Variants in SRPX2 observed in about 807,000 individuals in gnomAD.
The protein encoded by SRPX2 is sushi repeat containing protein X-linked 2.
A neutral mutation model predicts 45.3 loss-of-function variants in SRPX2; 26 were observed. That is an observed-to-expected ratio of 0.57 (90% CI 0.42 to 0.80). The LOEUF (loss-of-function observed/expected upper bound fraction) is 0.80, where lower values mean the gene tolerates loss of function less well. SRPX2 is among the 30% of genes least tolerant of loss of function. The probability of loss-of-function intolerance (pLI) is 0.00; values close to 1 mark genes in which losing one functional copy is unlikely to be tolerated. For synonymous variants in SRPX2, 125 were observed against 143.7 expected (o/e 0.87, Z 0.93); for missense variants, 355 against 399.8 (o/e 0.89, Z 0.95).
chrX:100,665,098 C>T, intron 5 of SRPX2, 145 bp from the exon 6 acceptor site: 3 of 1,059,480 alleles, frequency 2.8e-6, no homozygotes, highest in South Asian at 2.0e-5. Flanking sequence ...ATGATCTTCT[C>T]CCCTGAAGTT....
chrX:100,657,780 T>C (rs1450965544), intron 3 of SRPX2, among the ~76,000 whole-genome samples: 1 of 112,155 alleles, frequency 8.9e-6, no homozygotes, highest in Non-Finnish European at 1.9e-5. Context: ...GTGTCCTCTT[T>C]TGAGAAATAT....
intron 4 of SRPX2, among the ~76,000 whole-genome samples, chrX:100,664,057 G>T (rs1482579500): frequency 2.7e-5 from 3 of 111,671 alleles, no homozygotes; most frequent in Admixed American, 9.5e-5. Context: ...CCCTAAATGA[G>T]CCCAGAGGAT....
Position 100,675,253 on chromosome X carries a change from C to T in SRPX2, c.*4266C>T, listed in dbSNP as rs1441968988. The T allele has an allele frequency of 2.7e-5, 3 of 112,742 alleles. No homozygotes were observed. Among genetic ancestry groups the T allele is most frequent in the Non-Finnish European group, 5.6e-5 (3 of 53,316 alleles). The allele number at this position is 112,742 out of a possible 1,213,427, so 9.3% of individuals were successfully genotyped here. ...CACTTTACCCTCAGTCACTCTGGTC[C>T]TCTGAGATCAGCTAGAAGCTCTCAC... On this transcript the variant is annotated 3_prime_UTR_variant, in exon 11 of 11. Coordinates refer to ENST00000373004, the MANE Select transcript of SRPX2 (RefSeq NM_014467.3).
intron 3 of SRPX2, among the ~76,000 whole-genome samples, chrX:100,656,742 CAT>C (rs2083170341): frequency 8.9e-6 from 1 of 111,854 alleles, no homozygotes; most frequent in African/African-American, 3.2e-5. Context: ...AGGTTGATTC[CAT>C]ATCTTTGCTA....
chrX:100,647,860 T>C (rs1440175058), intron 2 of SRPX2, among the ~76,000 whole-genome samples: 1 of 112,786 alleles, frequency 8.9e-6, no homozygotes, highest in Non-Finnish European at 1.9e-5. Flanking sequence ...TCACCACTCC[T>C]GAGAAGCTCA....
At chrX:100,653,331 T>C (rs1469975575) in intron 3 of SRPX2, among the ~76,000 whole-genome samples, 1 of 111,647 alleles carries the variant, frequency 9.0e-6, no homozygotes, top group Non-Finnish European at 1.9e-5. Context: ...GACTTCAAAA[T>C]ACCTCAATGT....
At chrX:100,668,102 G>C (rs1277149888) in intron 9 of SRPX2, among the ~76,000 whole-genome samples, 1 of 110,845 alleles carries the variant, frequency 9.0e-6, no homozygotes, top group Non-Finnish European at 1.9e-5. Context: ...GGTAGGGAGA[G>C]GTCGATAGGA....
At chrX:100,656,219 A>G (rs1370742486) in intron 3 of SRPX2, among the ~76,000 whole-genome samples, 1 of 110,906 alleles carries the variant, frequency 9.0e-6, no homozygotes, top group East Asian at 2.8e-4. Flanking sequence ...TACTTTACAT[A>G]TTTATGGGGC....
At chrX:100,669,402 A>AGGGGGGG in intron 10 of SRPX2, 33 bp downstream of exon 10, 4 of 27,560 alleles carry the variant, frequency 1.5e-4, no homozygotes, top group East Asian at 7.6e-4. Context: ...ACTTGGGGGG[A>AGGGGGGG]GGGGGGGCTG....
At chrX:100,651,286 G>A (rs2083152410) in intron 3 of SRPX2, among the ~76,000 whole-genome samples, 1 of 111,055 alleles carries the variant, frequency 9.0e-6, no homozygotes, top group Admixed American at 9.6e-5. Flanking sequence ...AAGAAGTCAG[G>A]AAAAGGGTCA....
At chrX:100,665,111 G>T in intron 5 of SRPX2, 132 bp from the exon 6 acceptor site, 1 of 1,082,176 alleles carries the variant, frequency 9.2e-7, no homozygotes, top group South Asian at 2.0e-5. Context: ...CTGAAGTTGC[G>T]CTTCCTTCCC....
chrX:100,651,519 G>C (rs2083153166), intron 3 of SRPX2, among the ~76,000 whole-genome samples: 1 of 111,231 alleles, frequency 9.0e-6, no homozygotes, highest in Admixed American at 9.5e-5. Flanking sequence ...AGTGGCTCAT[G>C]CTTGTAAACC....
intron 10 of SRPX2, among the ~76,000 whole-genome samples, chrX:100,669,773 T>TG (rs1338401088): frequency 1.1e-5 from 1 of 94,029 alleles, no homozygotes; most frequent in African/African-American, 3.8e-5. Context: ...AGCCATCTTT[T>TG]TTTTTTTTTT....
intron 9 of SRPX2, among the ~76,000 whole-genome samples, chrX:100,668,238 G>A (rs1202452716): frequency 1.9e-5 from 2 of 106,499 alleles, no homozygotes; most frequent in Non-Finnish European, 3.9e-5. Flanking sequence ...TACCCACGTG[G>A]GAGAAAAAGC....
intron 3 of SRPX2, among the ~76,000 whole-genome samples, chrX:100,656,153 G>A (rs1192926803): frequency 3.6e-5 from 4 of 110,668 alleles, no homozygotes; most frequent in Non-Finnish European, 7.6e-5. Context: ...GAGCCACCAC[G>A]CCCAGCCAGC....
intron 2 of SRPX2, chrX:100,649,454 C>G (rs2083145588): frequency 9.1e-6 from 1 of 109,738 alleles, no homozygotes; most frequent in African/African-American, 3.3e-5. Context: ...TCAACGGAAG[C>G]CAGAAGAAGA....
intron 10 of SRPX2, among the ~76,000 whole-genome samples, chrX:100,669,956 A>T (rs2083218190): frequency 9.1e-6 from 1 of 109,726 alleles, no homozygotes; most frequent in Non-Finnish European, 1.9e-5. Context: ...TATTTTTAGT[A>T]GAGACAGGTT....
chrX:100,646,811 A>G (rs1228218079), intron 2 of SRPX2, among the ~76,000 whole-genome samples: 1 of 111,890 alleles, frequency 8.9e-6, no homozygotes, highest in Non-Finnish European at 1.9e-5. Context: ...CACATACCTC[A>G]TTTGGAAAAA....
At chrX:100,656,018 G>A (rs1301366323) in intron 3 of SRPX2, among the ~76,000 whole-genome samples, 2 of 108,339 alleles carry the variant, frequency 1.8e-5, no homozygotes, top group East Asian at 2.9e-4. Flanking sequence ...CGCACACTAC[G>A]GCACCCGGCT....
Sources: allele counts gnomAD v4.1 joint callset (sites outside exome capture counted in the v4.1 genomes callset), GRCh38; gene constraint gnomAD v4.1.1; transcripts MANE v1.5; gene names NCBI Gene and HGNC (gene_info 2026-07-23, HGNC 2026-07-21).